ARHGEF28: variants seen among roughly 807,000 people sequenced by gnomAD.
ARHGEF28 encodes 190 kDa guanine nucleotide exchange factor.
ARHGEF28 carries 152 observed loss-of-function variants against 206.6 expected under a neutral mutation model. The observed-to-expected ratio is 0.74, with a 90% confidence interval of 0.64 to 0.84. ARHGEF28 has a LOEUF of 0.84. Ranked by LOEUF, ARHGEF28 falls within the 40% of genes least tolerant of loss-of-function variation. The pLI is 0.00. For synonymous variants in ARHGEF28, 763 were observed against 776.4 expected, an observed-to-expected ratio of 0.98 and a Z score of 0.29; for missense variants, 2,028 against 2,073.2, an observed-to-expected ratio of 0.98 and a Z score of 0.42.
intron 4 of ARHGEF28, among the ~76,000 whole-genome samples, chr5:73,755,205 G>A (rs927163115): frequency 1.3e-5 from 2 of 151,638 alleles, no homozygotes; most frequent in African/African-American, 2.4e-5. Flanking sequence ...GATACATATT[G>A]TCTATATCTA....
chr5:73,848,017 A>C (rs1758470610), intron 12 of ARHGEF28, among the ~76,000 whole-genome samples: 1 of 152,214 alleles, frequency 6.6e-6, no homozygotes. Flanking sequence ...TAGAGGAAAC[A>C]AAAGAGACCA....
intron 1 of ARHGEF28, among the ~76,000 whole-genome samples, chr5:73,656,882 T>C (rs1745241236): frequency 6.6e-6 from 1 of 152,042 alleles, no homozygotes; most frequent in African/African-American, 2.4e-5. Context: ...ATAAAAAGAA[T>C]GTTGGAGGCT....
At chr5:73,890,973 G>C (rs1172447951) in intron 26 of ARHGEF28, among the ~76,000 whole-genome samples, 1 of 152,248 alleles carries the variant, frequency 6.6e-6, no homozygotes, top group Admixed American at 6.5e-5. Context: ...GAGGATCACA[G>C]TAGATGTTGG....
chr5:73,692,861 G>C (rs1037651200), intron 2 of ARHGEF28, among the ~76,000 whole-genome samples: 2 of 152,116 alleles, frequency 1.3e-5, no homozygotes, highest in African/African-American at 2.4e-5. Flanking sequence ...TGTGGCTTTT[G>C]GGTCCTGTGG....
chr5:73,712,233 A>G (rs1282598238), intron 2 of ARHGEF28, among the ~76,000 whole-genome samples: 4 of 152,084 alleles, frequency 2.6e-5, no homozygotes, highest in Admixed American at 2.6e-4. Flanking sequence ...AGGACTACTG[A>G]TCTGTAGTTC....
chr5:73,718,796 A>T (rs184734308), intron 2 of ARHGEF28, among the ~76,000 whole-genome samples: 26 of 152,224 alleles, frequency 1.7e-4, no homozygotes, highest in Middle Eastern at 6.8e-3. Flanking sequence ...CACTCAACTC[A>T]CTACTATCTT....
At chr5:73,739,828 AAAATAAATAAATAAATAAAT>A (rs571150752) in intron 2 of ARHGEF28, among the ~76,000 whole-genome samples, 26 of 140,240 alleles carry the variant, frequency 1.9e-4, no homozygotes, top group Non-Finnish European at 1.7e-4. Flanking sequence ...AATAATAATA[AAAATAAATAAATAAATAAAT>A]AAATAAATAA....
At chr5:73,642,985 C>A (rs1029292312) in intron 1 of ARHGEF28, among the ~76,000 whole-genome samples, 3 of 152,138 alleles carry the variant, frequency 2.0e-5, no homozygotes, top group African/African-American at 7.2e-5. Context: ...AATTTATGTC[C>A]ATGACAGCTC....
chr5:73,861,570 C>T (rs752750788), intron 16 of ARHGEF28, among the ~76,000 whole-genome samples: 1 of 152,174 alleles, frequency 6.6e-6, no homozygotes, highest in Non-Finnish European at 1.5e-5. Context: ...GTCGCTGGGA[C>T]TATAGGCACA....
chr5:73,870,935 G>T (rs1418844907), intron 21 of ARHGEF28, among the ~76,000 whole-genome samples: 1 of 152,068 alleles, frequency 6.6e-6, no homozygotes. Flanking sequence ...GCAAACATGG[G>T]CCCCAAAGTC....
intron 33 of ARHGEF28, among the ~76,000 whole-genome samples, chr5:73,906,322 T>C (rs1762554189): frequency 1.3e-5 from 2 of 152,212 alleles, no homozygotes; most frequent in South Asian, 4.1e-4. Flanking sequence ...CACTGCAACC[T>C]CTGTCTCCCA....
intron 35 of ARHGEF28, among the ~76,000 whole-genome samples, chr5:73,914,787 G>T (rs986726576): frequency 6.6e-6 from 1 of 151,804 alleles, no homozygotes; most frequent in East Asian, 1.9e-4. Context: ...GTTCAGTGGC[G>T]TGATTTTCAA....
At chr5:73,807,667 G>C (rs1755592236) in intron 9 of ARHGEF28, among the ~76,000 whole-genome samples, 1 of 151,652 alleles carries the variant, frequency 6.6e-6, no homozygotes, top group East Asian at 1.9e-4. Flanking sequence ...TGTATTTTTA[G>C]TAGAGATGGG....
At chr5:73,741,371 GTGTGTGTGTGTGTGTATATATATATA>G (rs1751377321) in intron 2 of ARHGEF28, among the ~76,000 whole-genome samples, 35 of 61,896 alleles carry the variant, frequency 5.7e-4, no homozygotes, top group Non-Finnish European at 6.9e-4. Flanking sequence ...GTGTGTGTGT[GTGTGTGTGTGTGTGTATATATATATA>G]TATATATATA....
chr5:73,850,380 T>A (rs534826760), intron 13 of ARHGEF28, among the ~76,000 whole-genome samples: 1 of 152,016 alleles, frequency 6.6e-6, no homozygotes, highest in Non-Finnish European at 1.5e-5. Context: ...ACAACTACCT[T>A]GAGAGGGCAG....
chr5:73,869,229 G>C (rs934507094), intron 20 of ARHGEF28, among the ~76,000 whole-genome samples: 26 of 125,516 alleles, frequency 2.1e-4, no homozygotes, highest in Non-Finnish European at 3.0e-4. Context: ...GGGTGGAGGG[G>C]GGTGGGGAAG....
chr5:73,742,681 G>A (rs1751506607), intron 2 of ARHGEF28, among the ~76,000 whole-genome samples: 1 of 150,584 alleles, frequency 6.6e-6, no homozygotes, highest in Non-Finnish European at 1.5e-5. Context: ...AAACTTAGCC[G>A]GGCGCGGTGG....
intron 2 of ARHGEF28, among the ~76,000 whole-genome samples, chr5:73,741,217 G>A (rs1273892443): frequency 6.6e-6 from 1 of 151,624 alleles, no homozygotes; most frequent in African/African-American, 2.4e-5. Flanking sequence ...GGAGTCATTT[G>A]CTGACCTCTG....
chr5:73,773,759 CTTA>C, intron 4 of ARHGEF28, 93 bp from the exon 5 acceptor site: 1 of 1,168,606 alleles, frequency 8.6e-7, no homozygotes, highest in South Asian at 1.9e-5. Flanking sequence ...CTCTGACATT[CTTA>C]TTATGTCTAA....
Sources: allele counts gnomAD v4.1 joint callset (sites outside exome capture counted in the v4.1 genomes callset), GRCh38; gene constraint gnomAD v4.1.1; transcripts MANE v1.5; gene names NCBI Gene and HGNC (gene_info 2026-07-23, HGNC 2026-07-21).